CWC27: variants seen among roughly 807,000 people sequenced by gnomAD.
CWC27 encodes the protein CWC27 spliceosome associated cyclophilin.
Under a neutral mutation model 63.6 loss-of-function variants are expected in CWC27, and 47 were observed. The observed-to-expected ratio is 0.74, with a 90% confidence interval of 0.58 to 0.94. The LOEUF (loss-of-function observed/expected upper bound fraction) is 0.94, where lower values mean the gene tolerates loss of function less well. Among genes scored for constraint, CWC27 ranks in the 40% least tolerant of loss-of-function variants. CWC27 has a pLI of 0.00. For synonymous variants in CWC27, 175 were observed against 179.8 expected, an observed-to-expected ratio of 0.97 and a Z score of 0.22; for missense variants, 495 against 554.3, an observed-to-expected ratio of 0.89 and a Z score of 1.07.
intron 10 of CWC27, among the ~76,000 whole-genome samples, chr5:64,860,683 A>C (rs75434566): frequency 1.3e-3 from 200 of 152,286 alleles, no homozygotes; most frequent in African/African-American, 4.5e-3. Flanking sequence ...AGTATTTTGC[A>C]TATATAACTG....
intron 11 of CWC27, among the ~76,000 whole-genome samples, chr5:64,963,124 A>AT (rs879597697): frequency 6.6e-5 from 10 of 150,540 alleles, no homozygotes; most frequent in Non-Finnish European, 1.0e-4. Flanking sequence ...CACCCAGCTA[A>AT]TTTTTTTTTG....
chr5:64,770,291 A>C (rs180840597), intron 1 of CWC27, among the ~76,000 whole-genome samples: 1 of 152,314 alleles, frequency 6.6e-6, no homozygotes, highest in Admixed American at 6.5e-5. Context: ...TAGTATGTCC[A>C]TCCCACCCCT....
intron 10 of CWC27, among the ~76,000 whole-genome samples, chr5:64,832,449 G>T (rs1745549548): frequency 6.6e-6 from 1 of 151,298 alleles, no homozygotes; most frequent in Non-Finnish European, 1.5e-5. Context: ...TTTGTTTCCA[G>T]ATTAGAATAA....
At chr5:64,838,896 A>C (rs889426379) in intron 10 of CWC27, among the ~76,000 whole-genome samples, 4 of 152,216 alleles carry the variant, frequency 2.6e-5, no homozygotes, top group African/African-American at 9.7e-5. Context: ...TATCTGTCAT[A>C]TCTGCTTAGG....
At chr5:64,977,985 A>G (rs1029117502) in intron 13 of CWC27, among the ~76,000 whole-genome samples, 4 of 151,916 alleles carry the variant, frequency 2.6e-5, no homozygotes, top group Non-Finnish European at 4.4e-5. Flanking sequence ...CCTACACATG[A>G]CTCACCCTCT....
chr5:64,865,854 T>C (rs1010801626), intron 10 of CWC27, among the ~76,000 whole-genome samples: 4 of 152,092 alleles, frequency 2.6e-5, no homozygotes, highest in Non-Finnish European at 4.4e-5. Context: ...GAAATATTAA[T>C]GTTAAAATAA....
chr5:64,865,884 T>G (rs757477059), intron 10 of CWC27, among the ~76,000 whole-genome samples: 1 of 152,110 alleles, frequency 6.6e-6, no homozygotes, highest in Admixed American at 6.6e-5. Context: ...TTGAATCATC[T>G]TTTAATGGCT....
intron 13 of CWC27, among the ~76,000 whole-genome samples, chr5:64,981,603 A>G (rs1320001033): frequency 6.6e-6 from 1 of 152,200 alleles, no homozygotes; most frequent in Non-Finnish European, 1.5e-5. Flanking sequence ...GACTTCTGCT[A>G]AATATTTTCA....
At chr5:64,979,885 G>A (rs750424236) in intron 13 of CWC27, among the ~76,000 whole-genome samples, 27 of 148,692 alleles carry the variant, frequency 1.8e-4, no homozygotes, top group Admixed American at 4.7e-4. Flanking sequence ...TATTCTATTC[G>A]CATTTTTGGC....
chr5:64,834,295 C>T (rs769207181), intron 10 of CWC27, among the ~76,000 whole-genome samples: 3 of 151,624 alleles, frequency 2.0e-5, no homozygotes, highest in Non-Finnish European at 4.4e-5. Flanking sequence ...TTTCAGTGAA[C>T]TCCTCTGTAA....
At chr5:64,803,771 G>A (rs1744564911) in intron 9 of CWC27, among the ~76,000 whole-genome samples, 1 of 152,036 alleles carries the variant, frequency 6.6e-6, no homozygotes, top group Non-Finnish European at 1.5e-5. Flanking sequence ...CCCACTAGAG[G>A]GTTTTCACAA....
chr5:64,801,871 C>G (rs1395388010), intron 9 of CWC27, among the ~76,000 whole-genome samples: 3 of 152,098 alleles, frequency 2.0e-5, no homozygotes, highest in Admixed American at 2.0e-4. Context: ...TATACATATG[C>G]CACTTTTTAT....
chr5:64,815,766 T>C (rs1240506573), intron 10 of CWC27, among the ~76,000 whole-genome samples: 1 of 152,190 alleles, frequency 6.6e-6, no homozygotes, highest in African/African-American at 2.4e-5. Context: ...TTTTATCTTA[T>C]CAGTCTTTAC....
intron 11 of CWC27, among the ~76,000 whole-genome samples, chr5:64,937,636 C>T (rs931916518): frequency 3.9e-5 from 6 of 152,214 alleles, no homozygotes; most frequent in Middle Eastern, 6.8e-3. Flanking sequence ...GAGTTCAAAT[C>T]CTGAATATCC....
At chr5:64,827,957 A>G (rs182987102) in intron 10 of CWC27, among the ~76,000 whole-genome samples, 1 of 152,276 alleles carries the variant, frequency 6.6e-6, no homozygotes, top group Admixed American at 6.5e-5. Flanking sequence ...TTTATATGCT[A>G]GCTGCCTGGT....
chr5:64,940,089 T>A (rs2112413304), intron 11 of CWC27, among the ~76,000 whole-genome samples: 1 of 152,216 alleles, frequency 6.6e-6, no homozygotes, highest in South Asian at 2.1e-4. Context: ...AGACCACTTA[T>A]CTCCCTGACT....
intron 11 of CWC27, among the ~76,000 whole-genome samples, chr5:64,890,598 G>A (rs1747210671): frequency 6.6e-6 from 1 of 151,312 alleles, no homozygotes; most frequent in African/African-American, 2.4e-5. Flanking sequence ...TTTCTTCGTA[G>A]TCTACTCTTA....
intron 11 of CWC27, among the ~76,000 whole-genome samples, chr5:64,933,408 T>A (rs1221399216): frequency 6.6e-6 from 1 of 152,214 alleles, no homozygotes; most frequent in Non-Finnish European, 1.5e-5. Context: ...TTTACCTCGA[T>A]TTGCCAGTCA....
chr5:64,985,936 A>G (rs1298081737), intron 13 of CWC27, among the ~76,000 whole-genome samples: 2 of 152,088 alleles, frequency 1.3e-5, no homozygotes, highest in Non-Finnish European at 2.9e-5. Flanking sequence ...CTCACCTTGA[A>G]TTGTAATCCC....
Sources: gnomAD v4.1 joint callset for allele counts (sites outside exome capture counted in the v4.1 genomes callset) on GRCh38, gnomAD v4.1.1 for gene constraint, MANE v1.5 for transcripts, NCBI Gene and HGNC (gene_info 2026-07-23, HGNC 2026-07-21) for gene names.